Variants in SRC observed in about 807,000 individuals in gnomAD.
SRC encodes proto-oncogene tyrosine-protein kinase Src.
Under a neutral mutation model 62.9 loss-of-function variants are expected in SRC, and 13 were observed. The observed-to-expected ratio is 0.21, with a 90% confidence interval of 0.13 to 0.33. SRC has a LOEUF of 0.33. Ranked by LOEUF, SRC falls within the 10% of genes least tolerant of loss-of-function variation. The pLI is 1.00. For synonymous variants in SRC, 302 were observed against 317.5 expected (o/e 0.95, Z 0.52); for missense variants, 457 against 737.3 (o/e 0.62, Z 4.40).
chr20:37,386,288 G>A (rs1368548165), intron 5 of SRC, 114 bp downstream of exon 5: 3 of 1,060,962 alleles, frequency 2.8e-6, no homozygotes, highest in Non-Finnish European at 4.4e-6. Context: ...CCAGGGCAGT[G>A]CGAAGCCCAG....
At chr20:37,361,668 G>A (rs1349248181) in intron 1 of SRC, among the ~76,000 whole-genome samples, 1 of 152,260 alleles carries the variant, frequency 6.6e-6, no homozygotes, top group African/African-American at 2.4e-5. Flanking sequence ...GGGTGGGGCA[G>A]CTGGGGGCTC....
At chr20:37,376,804 C>T (rs1426159677) in intron 2 of SRC, among the ~76,000 whole-genome samples, 3 of 152,214 alleles carry the variant, frequency 2.0e-5, no homozygotes, top group African/African-American at 7.2e-5. Flanking sequence ...TGCCCGGCCC[C>T]ACCTGTAGTT....
In SRC at chr20:37,397,942, C is replaced by A. The variant is rs2070682575; in HGVS notation, c.859+88C>A. On this transcript the variant is annotated intron_variant, in intron 9 of 13. Coordinates refer to ENST00000373578, the MANE Select transcript of SRC (RefSeq NM_198291.3). The surrounding 1 kb of genome is among the most constrained non-coding windows in gnomAD (Gnocchi z 4.1). ...GCTCCCTTGGTCCCTTTGCCTTTAG[C>A]TGCCTCTGCTGGATGACGGGGCCCT... 10 of 1,432,722 alleles carry A rather than the reference C, an allele frequency of 7.0e-6. No individual in the cohort carries two copies. The Admixed American group carries it at 1.7e-4, about 24-fold the overall frequency. 88.8% of individuals were successfully genotyped at this position (1,432,722 alleles called of 1,614,324 possible).
upstream of SRC, among the ~76,000 whole-genome samples, chr20:37,345,678 G>C (rs963904811): frequency 6.6e-6 from 1 of 152,252 alleles, no homozygotes; most frequent in African/African-American, 2.4e-5. Flanking sequence ...CTCAGGCCAG[G>C]TGGTGGTTAG....
intron 2 of SRC, among the ~76,000 whole-genome samples, chr20:37,373,973 T>G (rs2070237411): frequency 6.6e-6 from 1 of 152,172 alleles, no homozygotes; most frequent in African/African-American, 2.4e-5. Flanking sequence ...GCTACTCTTA[T>G]TCATATGTTT....
chr20:37,389,648 G>A (rs562288261), intron 5 of SRC, among the ~76,000 whole-genome samples: 9 of 152,290 alleles, frequency 5.9e-5, no homozygotes, highest in Non-Finnish European at 1.0e-4. Flanking sequence ...CCAAGGGAGC[G>A]AATGTCAGTG....
chr20:37,400,023 C>A, intron 9 of SRC, 92 bp from the exon 10 acceptor site: 1 of 1,335,518 alleles, frequency 7.5e-7, no homozygotes, highest in Non-Finnish European at 1.0e-6. Context: ...GAGGCCACAG[C>A]TGACACTGGC....
chr20:37,386,365 C>T, intron 5 of SRC, 191 bp downstream of exon 5: 1 of 724,026 alleles, frequency 1.4e-6, no homozygotes, highest in Admixed American at 2.0e-5. Context: ...CTCCCCCAGC[C>T]ATGGGGAACT....
intron 7 of SRC, among the ~76,000 whole-genome samples, chr20:37,395,115 C>T (rs1343120073): frequency 1.3e-5 from 2 of 152,186 alleles, no homozygotes; most frequent in African/African-American, 4.8e-5. Flanking sequence ...TCCACATGCA[C>T]CCTCCCGGGC....
In SRC at chr20:37,384,200, G is replaced by A. The variant is rs2070409119; in HGVS notation, c.47G>A (p.Arg16His). 3 of 1,595,876 alleles carry A rather than the reference G, an allele frequency of 1.9e-6. No individual in the cohort carries two copies. The highest frequency in any genetic ancestry group is 2.2e-5 in the South Asian group (2 of 90,782). The change falls in exon 4 of 14, where the codon CGC becomes CAC. Residue 16 changes from arginine (R) to histidine (H), a missense_variant. Arg to His is a conservative substitution (Grantham distance 29). Around this residue, in one of 4 missense-constraint regions of SRC, gnomAD observed 132 missense variants for 135.4 expected, o/e 0.98. Coordinates refer to ENST00000373578, the MANE Select transcript of SRC (RefSeq NM_198291.3). This position sits in a 1 kb window ranked among gnomAD's most constrained non-coding sequence, Gnocchi z 6.7. ...SKPKDASQRR[R>H]SLEPAENVHG... ...CCCAAGGATGCCAGCCAGCGGCGCCGCAGCCTGGAGCCCGCCGAGAACGTG... is the reference window on the plus strand; with the variant it reads ...CCCAAGGATGCCAGCCAGCGGCGCCACAGCCTGGAGCCCGCCGAGAACGTG...
At chr20:37,375,358 C>T (rs554933751) in intron 2 of SRC, among the ~76,000 whole-genome samples, 12 of 152,108 alleles carry the variant, frequency 7.9e-5, no homozygotes, top group African/African-American at 2.2e-4. Context: ...CAGCCTCCTG[C>T]GTAGCTGGGT....
rs1452294481 is a variant in SRC at position 37,384,122 on chromosome 20, T to C, written c.-4-28T>C. 6.3e-7 allele frequency: 1 copy of C among 1,594,638 alleles called. No individual in the cohort carries two copies. The highest frequency in any genetic ancestry group is 8.5e-7 in the Non-Finnish European group (1 of 1,174,554). On this transcript the variant is annotated intron_variant, in intron 3 of 13. Transcript: ENST00000373578. This position sits in a 1 kb window ranked among gnomAD's most constrained non-coding sequence, Gnocchi z 6.7. ...CAAGGGGCCCCGGCAGCCCTGCCTG[T>C]TCCAGTGTCTTCTCTCTCTCCTGCC...
At chr20:37,394,486 A>G (rs928240145) in intron 7 of SRC, among the ~76,000 whole-genome samples, 7 of 152,172 alleles carry the variant, frequency 4.6e-5, no homozygotes, top group African/African-American at 1.7e-4. Context: ...GATGAGGCTT[A>G]GTCTCTCTGG....
At chr20:37,370,465 C>T (rs923170786) in intron 2 of SRC, among the ~76,000 whole-genome samples, 23 of 152,132 alleles carry the variant, frequency 1.5e-4, no homozygotes, top group African/African-American at 5.6e-4. Flanking sequence ...ATCCCAGCTA[C>T]TTGGGAGGCT....
intron 2 of SRC, among the ~76,000 whole-genome samples, chr20:37,374,804 A>G (rs896602188): frequency 2.6e-5 from 4 of 151,284 alleles, no homozygotes; most frequent in African/African-American, 9.7e-5. Context: ...TGAACTCCTG[A>G]CCTCAGGTGA....
chr20:37,401,803 A>C (rs1397433210), intron 11 of SRC, 125 bp downstream of exon 11: 5 of 620,934 alleles, frequency 8.1e-6, no homozygotes, highest in Non-Finnish European at 1.3e-5. Context: ...CTCCACACTC[A>C]CTGATCTTGC....
Position 37,384,051 on chromosome 20 carries a change from G to C in SRC, c.-4-99G>C, listed in dbSNP as rs2070406271. On this transcript the variant is annotated intron_variant, in intron 3 of 13. Coordinates refer to ENST00000373578, the MANE Select transcript of SRC (RefSeq NM_198291.3). This position sits in a 1 kb window ranked among gnomAD's most constrained non-coding sequence, Gnocchi z 6.7. ...GCGCCCGGCCCTGCTGCCTCTCCTT[G>C]GGCCTCGTTTTCCCTATCTGTGGAA... 6.6e-7 allele frequency: 1 copy of C among 1,507,830 alleles called. No homozygotes were observed. Among genetic ancestry groups the C allele is most frequent in the Non-Finnish European group, 8.9e-7 (1 of 1,129,612 alleles). 93.4% of individuals were successfully genotyped at this position (1,507,830 alleles called of 1,614,324 possible).
At chr20:37,374,635 C>T (rs1159356235) in intron 2 of SRC, among the ~76,000 whole-genome samples, 2 of 142,100 alleles carry the variant, frequency 1.4e-5, no homozygotes, top group African/African-American at 2.6e-5. Flanking sequence ...AGTACAGTAG[C>T]GTAATCTTGG....
At chr20:37,387,822 G>A (rs2070481971) in intron 5 of SRC, among the ~76,000 whole-genome samples, 1 of 152,240 alleles carries the variant, frequency 6.6e-6, no homozygotes, top group Non-Finnish European at 1.5e-5. Flanking sequence ...TGCTCTCTGT[G>A]TGAGCTGGGC....
Sources: allele counts gnomAD v4.1 joint callset (sites outside exome capture counted in the v4.1 genomes callset), GRCh38; gene constraint gnomAD v4.1.1; regional missense constraint gnomAD v4.1.1; non-coding constraint Gnocchi (gnomAD v3.1); transcripts MANE v1.5; gene names NCBI Gene and HGNC (gene_info 2026-07-23, HGNC 2026-07-21).